ARHGAP10: variants seen among roughly 807,000 people sequenced by gnomAD.
The protein encoded by ARHGAP10 is rho GTPase-activating protein 10.
A neutral mutation model predicts 108.6 loss-of-function variants in ARHGAP10; 87 were observed. The observed-to-expected ratio is 0.80, with a 90% CI of 0.67 to 0.96. The LOEUF is 0.96. Among genes scored for constraint, ARHGAP10 ranks in the 40% least tolerant of loss-of-function variants. ARHGAP10 has a pLI of 0.00. For missense variants in ARHGAP10, 939 were observed against 954.5 expected (o/e 0.98, Z 0.21); for synonymous variants, 347 against 341.1 (o/e 1.02, Z -0.19).
chr4:147,818,688 A>T (rs2126781512), intron 1 of ARHGAP10, among the ~76,000 whole-genome samples: 1 of 152,072 alleles, frequency 6.6e-6, no homozygotes, highest in Non-Finnish European at 1.5e-5. Context: ...CTTGAGTTTT[A>T]TGTGCAATGA....
At chr4:147,753,741 A>G (rs556227453) in intron 1 of ARHGAP10, among the ~76,000 whole-genome samples, 42 of 152,054 alleles carry the variant, frequency 2.8e-4, no homozygotes, top group Middle Eastern at 3.4e-3. Flanking sequence ...TGAGAGAATG[A>G]TTTTTTTCCC....
At chr4:147,946,395 T>C in intron 14 of ARHGAP10, 1 of 429,762 alleles carries the variant, frequency 2.3e-6, no homozygotes, top group Non-Finnish European at 4.1e-6. Flanking sequence ...CCATCTCTTA[T>C]TTTTTGCTTT....
At chr4:147,966,197 C>T (rs745979446) in intron 17 of ARHGAP10, among the ~76,000 whole-genome samples, 1 of 152,080 alleles carries the variant, frequency 6.6e-6, no homozygotes, top group East Asian at 1.9e-4. Context: ...AAGAGGGGAA[C>T]AGTAAACTAA....
intron 1 of ARHGAP10, among the ~76,000 whole-genome samples, chr4:147,817,826 T>C (rs561023684): frequency 6.6e-6 from 1 of 152,330 alleles, no homozygotes; most frequent in Admixed American, 6.5e-5. Context: ...TCAAGAGCAG[T>C]ATTAATTCAC....
rs77349773 is a variant in ARHGAP10 at position 147,870,801 on chromosome 4, G to T, written c.702+3985G>T. On this transcript the variant is annotated intron_variant, in intron 7 of 22. Coordinates refer to ENST00000336498, the MANE Select transcript of ARHGAP10 (RefSeq NM_024605.4). ...AATTCTTCCTGGAAGGAAATACAGT[G>T]TGCAAAATTTTAGGATTTGTAAAGA... is the stretch of plus-strand genomic sequence containing the variant. Among the ~76,000 whole-genome samples the T allele has an allele frequency of 2.5e-3, 374 of 152,276 alleles. 15 individuals carry two copies. In the East Asian group the frequency reaches 0.056, roughly 23 times the overall value.
At chr4:147,801,883 G>GT (rs777538150) in intron 1 of ARHGAP10, among the ~76,000 whole-genome samples, 3 of 152,154 alleles carry the variant, frequency 2.0e-5, no homozygotes, top group East Asian at 1.9e-4. Flanking sequence ...TGTTTGTAAT[G>GT]TTTTTTGAAG....
intron 1 of ARHGAP10, among the ~76,000 whole-genome samples, chr4:147,804,477 CTT>C (rs1731702327): frequency 6.6e-6 from 1 of 152,156 alleles, no homozygotes; most frequent in South Asian, 2.1e-4. Context: ...GTATGTGTGT[CTT>C]TATGGTAGAA....
intron 1 of ARHGAP10, among the ~76,000 whole-genome samples, chr4:147,787,759 C>G (rs946492544): frequency 1.3e-5 from 2 of 152,142 alleles, no homozygotes. Flanking sequence ...CCACTGAATC[C>G]TGTCGCCTTG....
rs532845667 is a variant in ARHGAP10 at position 147,868,825 on chromosome 4, C to T, written c.702+2009C>T. On this transcript the variant is annotated intron_variant, in intron 7 of 22. Coordinates refer to ENST00000336498, the MANE Select transcript of ARHGAP10 (RefSeq NM_024605.4). ...TGCTCCTATGAGAATCTGATGCCAC[C>T]GCGGATCTGACAGAAGGTGGACTCA... Among the ~76,000 whole-genome samples the T allele has an allele frequency of 1.6e-4, 24 of 152,208 alleles. 1 individual carries two copies. In the South Asian group the frequency reaches 4.6e-3, roughly 29 times the overall value.
chr4:148,057,102 A>G (rs1157569863), intron 20 of ARHGAP10, among the ~76,000 whole-genome samples: 4 of 152,206 alleles, frequency 2.6e-5, no homozygotes, highest in Non-Finnish European at 4.4e-5. Context: ...GGGCACTCGT[A>G]AGTCATTCGC....
intron 1 of ARHGAP10, among the ~76,000 whole-genome samples, chr4:147,806,048 C>T (rs1204656957): frequency 6.6e-6 from 1 of 152,056 alleles, no homozygotes; most frequent in Non-Finnish European, 1.5e-5. Flanking sequence ...TTTATAAAAT[C>T]CATACTTTAA....
intron 1 of ARHGAP10, among the ~76,000 whole-genome samples, chr4:147,791,537 C>T (rs144349734): frequency 3.3e-5 from 5 of 151,896 alleles, no homozygotes; most frequent in African/African-American, 7.3e-5. Context: ...TGTGTGTGCG[C>T]GCGCGTGCGT....
rs184172544 is a variant in ARHGAP10 at position 147,751,219 on chromosome 4, A to G, written c.154+18764A>G. 8.5e-5 allele frequency among the ~76,000 whole-genome samples: 13 copies of G among 152,200 alleles called. No individual in the cohort carries two copies. The South Asian group carries it at 1.0e-3, about 12-fold the overall frequency. ...AAAAACAAACAATGAGTAGATCACT[A>G]TTGTTTTAGATTAGAGATGTTAGAT... On this transcript the variant is annotated intron_variant, in intron 1 of 22. Transcript: ENST00000336498.
intron 10 of ARHGAP10, among the ~76,000 whole-genome samples, chr4:147,888,277 C>G (rs1328102907): frequency 6.6e-5 from 10 of 152,182 alleles, no homozygotes; most frequent in Non-Finnish European, 1.2e-4. Context: ...AATTTATTAT[C>G]TCTACCTGGA....
chr4:147,850,447 C>G (rs1733826199), intron 4 of ARHGAP10, among the ~76,000 whole-genome samples: 1 of 152,228 alleles, frequency 6.6e-6, no homozygotes, highest in Admixed American at 6.5e-5. Flanking sequence ...CCACGAAGGT[C>G]TGCAGCTTCA....
At chr4:147,996,548 G>A (rs982930013) in intron 18 of ARHGAP10, among the ~76,000 whole-genome samples, 8 of 152,202 alleles carry the variant, frequency 5.3e-5, no homozygotes, top group South Asian at 2.1e-4. Flanking sequence ...TGTTGGAATC[G>A]TGTACAGCCC....
rs1026176345 is a variant in ARHGAP10, at chr4:147,754,267, A to G, written c.154+21812A>G. On this transcript the variant is annotated intron_variant, in intron 1 of 22. Coordinates refer to ENST00000336498, the MANE Select transcript of ARHGAP10 (RefSeq NM_024605.4). ...TGTTCTGTTTCCAGGTGTCATTTAC[A>G]TAAGGCATACGATGCCTTTTGTAAG... Among the ~76,000 whole-genome samples, 4 of 152,240 alleles carry G rather than the reference A, an allele frequency of 2.6e-5. No homozygotes were observed. The South Asian group carries it at 8.3e-4, about 32-fold the overall frequency.
chr4:148,031,067 A>C (rs1330177661), intron 19 of ARHGAP10, among the ~76,000 whole-genome samples: 1 of 152,120 alleles, frequency 6.6e-6, no homozygotes, highest in Non-Finnish European at 1.5e-5. Flanking sequence ...TCCAACAACA[A>C]CAACAAAAAA....
chr4:147,834,659 CA>C, intron 3 of ARHGAP10, among the ~76,000 whole-genome samples: 1 of 151,916 alleles, frequency 6.6e-6, no homozygotes, highest in East Asian at 1.9e-4. Flanking sequence ...CCCACACACA[CA>C]AACACACAGA....
Sources: allele counts gnomAD v4.1 joint callset (sites outside exome capture counted in the v4.1 genomes callset), GRCh38; gene constraint gnomAD v4.1.1; transcripts MANE v1.5; gene names NCBI Gene and HGNC (gene_info 2026-07-23, HGNC 2026-07-21).